Variants in TRIP12 observed in about 807,000 individuals in gnomAD.
TRIP12 encodes the protein E3 ubiquitin-protein ligase TRIP12.
Under a neutral mutation model 244.2 loss-of-function variants are expected in TRIP12, and 25 were observed. The observed-to-expected ratio is 0.10, with a 90% confidence interval of 0.07 to 0.14. The LOEUF (loss-of-function observed/expected upper bound fraction) is 0.14, where lower values mean the gene tolerates loss of function less well. TRIP12 is among the 10% of genes least tolerant of loss of function. TRIP12 has a pLI of 1.00. For synonymous variants in TRIP12, 905 were observed against 873.1 expected (o/e 1.04, Z -0.64); for missense variants, 1,677 against 2,486.4 (o/e 0.67, Z 6.92).
chr2:229,884,583 C>G (rs1422593489), intron 1 of TRIP12, among the ~76,000 whole-genome samples: 2 of 152,036 alleles, frequency 1.3e-5, no homozygotes, highest in Non-Finnish European at 2.9e-5. Flanking sequence ...CATACGCACA[C>G]AAAGAAAGGC....
chr2:229,872,322 G>A (rs2062801616), intron 2 of TRIP12, among the ~76,000 whole-genome samples: 1 of 152,086 alleles, frequency 6.6e-6, no homozygotes. Flanking sequence ...CCAGCACTTT[G>A]GGAGGCCAAG....
rs573030559 is a variant in TRIP12 at position 229,799,868 on chromosome 2, C to T, written c.3207-485G>A. Among the ~76,000 whole-genome samples the T allele has an allele frequency of 7.2e-5, 11 of 152,036 alleles. No individual in the cohort carries two copies. The East Asian group carries it at 1.5e-3, about 21-fold the overall frequency. On this transcript the variant is annotated intron_variant, in intron 21 of 41. Coordinates refer to ENST00000675903, the MANE Select transcript of TRIP12 (RefSeq NM_001348323.3). ...CAGTCATGTTCTAGAGGTGTGCAGA[C>T]ACAGCAAATGATTATTCAGAAAATA...
In TRIP12 at chr2:229,859,334, C is replaced by A; in HGVS notation, c.465G>T (p.Lys155Asn). The A allele has an allele frequency of 6.2e-7, 1 of 1,614,202 alleles. No homozygotes were observed. The highest frequency in any genetic ancestry group is 2.2e-5 in the East Asian group (1 of 44,884). ...ETNKPHSKSK[K>N]RHLDQEQQLK... ...GTTGTTGCTCCTGGTCTAAATGTCT[C>A]TTCTTTGACTTACTATGTGGCTTAT... The change falls in exon 4 of 42, where the codon AAG (lysine) becomes AAT (asparagine). Residue 155 changes from lysine to asparagine, a missense_variant. Coordinates refer to ENST00000675903, the MANE Select transcript of TRIP12 (RefSeq NM_001348323.3).
intron 27 of TRIP12, among the ~76,000 whole-genome samples, chr2:229,792,489 G>A (rs1215828759): frequency 6.6e-6 from 1 of 152,132 alleles, no homozygotes; most frequent in Non-Finnish European, 1.5e-5. Flanking sequence ...ATGGCGTGAA[G>A]GTAATGATAT....
intron 1 of TRIP12, among the ~76,000 whole-genome samples, chr2:229,915,272 G>A (rs1023249536): frequency 1.1e-4 from 16 of 151,952 alleles, no homozygotes; most frequent in Non-Finnish European, 1.6e-4. Flanking sequence ...ACTTATTTAG[G>A]TCCTCAATGT....
At chr2:229,859,625 C>G (rs1304362080) in intron 3 of TRIP12, 51 bp from the exon 4 acceptor site, 1 of 1,546,670 alleles carries the variant, frequency 6.5e-7, no homozygotes, top group South Asian at 1.2e-5. Flanking sequence ...ATAATTACAA[C>G]TGTCATATAT....
chr2:229,849,793 A>C (rs1373958815), intron 4 of TRIP12, among the ~76,000 whole-genome samples: 4 of 152,148 alleles, frequency 2.6e-5, no homozygotes, highest in African/African-American at 4.8e-5. Flanking sequence ...ACACTGTTTG[A>C]ATCTTTTGAG....
At position 229,778,550 on chromosome 2, in the gene TRIP12, C is replaced by G. The variant is rs775181626; in HGVS notation, c.5247G>C (p.Gln1749His). 6.2e-7 allele frequency: 1 copy of G among 1,614,004 alleles called. No individual in the cohort carries two copies. Among genetic ancestry groups the G allele is most frequent in the Non-Finnish European group, 8.5e-7 (1 of 1,179,918 alleles). Residue 1749 changes from glutamine (Q) to histidine (H), a missense_variant, in exon 36 of 42, where the codon CAG becomes CAC. Transcript: ENST00000675903. The surrounding 1 kb of genome is among the most constrained non-coding windows in gnomAD (Gnocchi z 4.1). ...TACCAAAGGGAAGCGCAAACAGGCC[C>G]TGGAGGTTTTGAATATACTTGGTCC... ...QEGTKYIQNL[Q>H]GLFALPFGRT...
chr2:229,911,712 G>C (rs1382526516), intron 1 of TRIP12, among the ~76,000 whole-genome samples: 2 of 152,100 alleles, frequency 1.3e-5, no homozygotes, highest in Admixed American at 6.6e-5. Flanking sequence ...CATATTATGT[G>C]TCAAAATAAA....
intron 1 of TRIP12, among the ~76,000 whole-genome samples, chr2:229,897,949 T>C (rs1023846142): frequency 3.3e-5 from 5 of 152,250 alleles, no homozygotes; most frequent in Admixed American, 1.3e-4. Flanking sequence ...CAACCTATGA[T>C]GGACCAATGA....
chr2:229,784,418 G>A (rs1023705622), intron 34 of TRIP12, among the ~76,000 whole-genome samples: 6 of 148,436 alleles, frequency 4.0e-5, no homozygotes, highest in African/African-American at 1.5e-4. Context: ...CAGATGAAAA[G>A]CCAAAACTAT....
intron 27 of TRIP12, 105 bp from the exon 28 acceptor site, chr2:229,792,331 G>T: frequency 9.2e-7 from 1 of 1,082,742 alleles, no homozygotes; most frequent in Non-Finnish European, 1.4e-6. Context: ...ACACATATAG[G>T]TTGAGTATCC....
chr2:229,890,535 TA>T (rs1199955700), intron 1 of TRIP12, among the ~76,000 whole-genome samples: 1 of 152,196 alleles, frequency 6.6e-6, no homozygotes, highest in East Asian at 1.9e-4. Flanking sequence ...CTGTCATCAA[TA>T]GAGCTACAAC....
chr2:229,816,534 AAG>A (rs1003532002), intron 9 of TRIP12, among the ~76,000 whole-genome samples: 4 of 152,208 alleles, frequency 2.6e-5, no homozygotes, highest in African/African-American at 9.6e-5. Flanking sequence ...TATTGTGATG[AAG>A]AGATATAAAT....
intron 18 of TRIP12, 58 bp from the exon 19 acceptor site, chr2:229,804,285 A>G: frequency 7.1e-7 from 1 of 1,403,512 alleles, no homozygotes; most frequent in Non-Finnish European, 9.8e-7. Context: ...TCAGAAACAC[A>G]ATAAACAATA....
At position 229,795,047 on chromosome 2, in the gene TRIP12, A is replaced by C. The variant is rs2042476298; in HGVS notation, c.3968+132T>G. 3 of 1,052,900 alleles carry C rather than the reference A, an allele frequency of 2.8e-6. No individual in the cohort carries two copies. In the East Asian group the frequency reaches 7.5e-5, roughly 26 times the overall value. The allele number at this position is 1,052,900 out of a possible 1,614,324, so 65.2% of individuals were successfully genotyped here. On this transcript the variant is annotated intron_variant, in intron 26 of 41. Transcript: ENST00000675903. The stretch of plus-strand genomic sequence containing the variant: ...ATTTGATTCATTCTTTAGAGTGCTT[A>C]ATTTCTTTCATCATTACAGCTGAAT...
At chr2:229,838,706 A>G (rs898139893) in intron 5 of TRIP12, among the ~76,000 whole-genome samples, 5 of 152,208 alleles carry the variant, frequency 3.3e-5, no homozygotes, top group African/African-American at 1.2e-4. Context: ...TTGGCCCAAA[A>G]TAGGACAAAA....
chr2:229,798,866 C>T lies in TRIP12; in HGVS notation c.3482+9G>A, dbSNP rs2043481017. 6.2e-7 allele frequency: 1 copy of T among 1,610,406 alleles called. No homozygotes were observed. Among genetic ancestry groups the T allele is most frequent in the African/African-American group, 1.3e-5 (1 of 74,700 alleles). ...GAATAGAAGAAACATAAAACTCCCCCCACTTCACCTATTATTGGAGATGGT... is the reference window on the plus strand; with the variant it reads ...GAATAGAAGAAACATAAAACTCCCCTCACTTCACCTATTATTGGAGATGGT... On this transcript the variant is annotated intron_variant, in intron 23 of 41. Transcript: ENST00000675903.
chr2:229,790,899 T>G (rs989214199), intron 30 of TRIP12, among the ~76,000 whole-genome samples: 1 of 5,856 alleles, frequency 1.7e-4, no homozygotes, highest in African/African-American at 1.8e-3. Flanking sequence ...GGGAATAAGT[T>G]TTTTTCCCAA....
Sources: gnomAD v4.1 joint callset for allele counts (sites outside exome capture counted in the v4.1 genomes callset) on GRCh38, gnomAD v4.1.1 for gene constraint, Gnocchi (gnomAD v3.1) non-coding constraint, MANE v1.5 for transcripts, NCBI Gene and HGNC (gene_info 2026-07-23, HGNC 2026-07-21) for gene names.